Variants in LPAR1 observed in about 807,000 individuals in gnomAD.
LPAR1 encodes the protein LPA receptor 1.
In LPAR1, 5 loss-of-function variants were observed where a neutral mutation model predicts 23.8. The ratio of observed to expected loss-of-function variants is 0.21; its 90% CI spans 0.11 to 0.44. The LOEUF (loss-of-function observed/expected upper bound fraction) is 0.44. Ranked by LOEUF, LPAR1 falls within the 20% of genes least tolerant of loss-of-function variation. The probability of loss-of-function intolerance (pLI) is 0.99; values close to 1 mark genes in which losing one functional copy is unlikely to be tolerated. For synonymous variants in LPAR1, 160 were observed against 164.7 expected, an observed-to-expected ratio of 0.97 and a Z score of 0.22; for missense variants, 311 against 482.8, an observed-to-expected ratio of 0.64 and a Z score of 3.33.
intron 4 of LPAR1, among the ~76,000 whole-genome samples, chr9:110,968,351 T>C (rs1251810922): frequency 6.6e-6 from 1 of 152,168 alleles, no homozygotes; most frequent in East Asian, 1.9e-4. Flanking sequence ...TAGGTGGCTC[T>C]AGGGACATCA....
chr9:110,874,106 C>T lies in LPAR1; in HGVS notation c.*1315G>A, dbSNP rs2078627655. 6.6e-6 allele frequency: 1 copy of T among 152,520 alleles called. No homozygotes were observed. The highest frequency in any genetic ancestry group is 2.4e-5 in the African/African-American group (1 of 41,418). The allele number at this position is 152,520 out of a possible 1,614,324, so 9.4% of individuals were successfully genotyped here. On this transcript the variant is annotated 3_prime_UTR_variant, in exon 6 of 6. Transcript: ENST00000683809. ...GGTGTAAGTACAAGATGACATTTCA[C>T]ATTTTTTTAAAAAAAGAATCCTTCA...
At chr9:110,968,919 T>TG (rs761750155) in intron 4 of LPAR1, among the ~76,000 whole-genome samples, 33 of 152,212 alleles carry the variant, frequency 2.2e-4, no homozygotes, top group Admixed American at 1.2e-3. Flanking sequence ...GCTCATTCCG[T>TG]GGGTAAGGAA....
chr9:110,893,336 A>G (rs181150034), intron 5 of LPAR1, among the ~76,000 whole-genome samples: 54 of 152,336 alleles, frequency 3.5e-4, no homozygotes, highest in African/African-American at 1.3e-3. Context: ...AAAATTAGAA[A>G]CTATCTCAAT....
At chr9:111,023,776 A>T (rs544285610) in intron 2 of LPAR1, among the ~76,000 whole-genome samples, 2 of 152,366 alleles carry the variant, frequency 1.3e-5, no homozygotes, top group East Asian at 3.9e-4. Flanking sequence ...ACTTTTTAAA[A>T]TGAAAATGAA....
At chr9:110,948,352 C>T (rs1243835858) in intron 4 of LPAR1, among the ~76,000 whole-genome samples, 2 of 152,018 alleles carry the variant, frequency 1.3e-5, no homozygotes, top group African/African-American at 4.8e-5. Context: ...CTGATATCCA[C>T]TAAAAATGAT....
chr9:110,992,176 A>G (rs2096909465), intron 2 of LPAR1, among the ~76,000 whole-genome samples: 1 of 152,230 alleles, frequency 6.6e-6, no homozygotes, highest in Admixed American at 6.5e-5. Flanking sequence ...TATCCAAAGC[A>G]TATAAGAAAT....
Position 110,888,831 on chromosome 9 carries a change from A to C in LPAR1, c.794-13109T>G, listed in dbSNP as rs2083186177. On this transcript the variant is annotated intron_variant, in intron 5 of 5. Transcript: ENST00000683809. ...CTGATATGTATGGCTAACAGACTGG[A>C]TACTGGAGAGAATGAGAAAAGTAAA... Among the ~76,000 whole-genome samples, 3 of 152,178 alleles carry C rather than the reference A, an allele frequency of 2.0e-5. No individual in the cohort carries two copies. The South Asian group carries it at 6.2e-4, about 32-fold the overall frequency.
chr9:110,903,349 C>T (rs1564418136), intron 5 of LPAR1: 1 of 152,078 alleles, frequency 6.6e-6, no homozygotes, highest in South Asian at 2.1e-4. Context: ...GCTCACAGTT[C>T]AGCAGCAAAT....
At chr9:110,885,117 AATAT>A (rs1243751358) in intron 5 of LPAR1, among the ~76,000 whole-genome samples, 2 of 152,182 alleles carry the variant, frequency 1.3e-5, no homozygotes, top group Admixed American at 6.5e-5. Flanking sequence ...TTTGCATAGT[AATAT>A]GTACTAATTT....
intron 2 of LPAR1, among the ~76,000 whole-genome samples, chr9:110,991,890 G>A (rs1479588879): frequency 6.6e-6 from 1 of 152,062 alleles, no homozygotes; most frequent in African/African-American, 2.4e-5. Context: ...ACCACTCCTG[G>A]CCAACAGAAC....
chr9:111,033,853 T>C (rs934342689), intron 2 of LPAR1, among the ~76,000 whole-genome samples: 1 of 152,154 alleles, frequency 6.6e-6, no homozygotes, highest in African/African-American at 2.4e-5. Flanking sequence ...GTGCCCAGCC[T>C]CTTCTTTTTC....
chr9:110,979,859 G>A (rs1474380694), intron 2 of LPAR1, among the ~76,000 whole-genome samples: 1 of 151,778 alleles, frequency 6.6e-6, no homozygotes, highest in Non-Finnish European at 1.5e-5. Flanking sequence ...AATTGTGAAG[G>A]GAAATCCTTG....
chr9:110,915,742 T>C (rs1162936765), intron 5 of LPAR1, among the ~76,000 whole-genome samples: 5 of 152,346 alleles, frequency 3.3e-5, no homozygotes, highest in Admixed American at 2.0e-4. Flanking sequence ...ATTATGAAGA[T>C]GTAAATGGAT....
intron 5 of LPAR1, among the ~76,000 whole-genome samples, chr9:110,938,016 C>T (rs1564102682): frequency 6.6e-6 from 1 of 152,156 alleles, no homozygotes; most frequent in Non-Finnish European, 1.5e-5. Flanking sequence ...GTAGTGAATT[C>T]ACTACGGCTC....
chr9:110,992,270 A>C (rs142274312), intron 2 of LPAR1, among the ~76,000 whole-genome samples: 1 of 152,324 alleles, frequency 6.6e-6, no homozygotes, highest in Non-Finnish European at 1.5e-5. Context: ...AAGAGCAATT[A>C]GGAAAAATGC....
intron 5 of LPAR1, among the ~76,000 whole-genome samples, chr9:110,912,376 G>A (rs2092566305): frequency 6.6e-6 from 1 of 152,094 alleles, no homozygotes; most frequent in Non-Finnish European, 1.5e-5. Flanking sequence ...TTTGATCCCT[G>A]ACCCAGAGAT....
At chr9:110,893,994 T>G (rs569444177) in intron 5 of LPAR1, among the ~76,000 whole-genome samples, 1 of 152,300 alleles carries the variant, frequency 6.6e-6, no homozygotes, top group South Asian at 2.1e-4. Context: ...AAATGCTTCA[T>G]TAGAATAAAT....
At chr9:111,011,036 A>C (rs1341804691) in intron 2 of LPAR1, among the ~76,000 whole-genome samples, 1 of 152,170 alleles carries the variant, frequency 6.6e-6, no homozygotes, top group African/African-American at 2.4e-5. Flanking sequence ...TTTTAGAAAC[A>C]CTACAAACTA....
chr9:111,035,770 C>A (rs1478593714), intron 2 of LPAR1, among the ~76,000 whole-genome samples: 1 of 152,184 alleles, frequency 6.6e-6, no homozygotes, highest in Admixed American at 6.5e-5. Context: ...AAAATCTTGA[C>A]CTCAAACTAA....
Sources: gnomAD v4.1 joint callset for allele counts (sites outside exome capture counted in the v4.1 genomes callset) on GRCh38, gnomAD v4.1.1 for gene constraint, MANE v1.5 for transcripts, NCBI Gene and HGNC (gene_info 2026-07-23, HGNC 2026-07-21) for gene names.